Variants in CDK14 observed in about 807,000 individuals in gnomAD.
CDK14 encodes cyclin dependent kinase 14.
CDK14 carries 34 observed loss-of-function variants against 60.7 expected under a neutral mutation model. That is an observed-to-expected ratio of 0.56 (90% CI 0.43 to 0.75). The LOEUF (loss-of-function observed/expected upper bound fraction) is 0.75, where lower values mean the gene tolerates loss of function less well. CDK14 is among the 30% of genes least tolerant of loss of function. The pLI is 0.00. For synonymous variants in CDK14, 197 were observed against 203.7 expected, an observed-to-expected ratio of 0.97 and a Z score of 0.28; for missense variants, 482 against 564.1, an observed-to-expected ratio of 0.85 and a Z score of 1.47.
At chr7:91,039,949 G>C (rs1024315413) in intron 10 of CDK14, among the ~76,000 whole-genome samples, 3 of 152,108 alleles carry the variant, frequency 2.0e-5, no homozygotes, top group Non-Finnish European at 2.9e-5. Context: ...TAGTAGAATA[G>C]GGTGGAGTGT....
At chr7:91,055,979 G>A (rs938877438) in intron 11 of CDK14, among the ~76,000 whole-genome samples, 12 of 152,118 alleles carry the variant, frequency 7.9e-5, no homozygotes, top group Admixed American at 2.6e-4. Context: ...AATTAATGCC[G>A]GCAAGTATAT....
intron 8 of CDK14, among the ~76,000 whole-genome samples, chr7:90,945,683 G>C (rs950639067): frequency 2.0e-5 from 3 of 152,198 alleles, no homozygotes; most frequent in African/African-American, 7.2e-5. Flanking sequence ...CTTGAGGCCA[G>C]GGGACAAGGA....
intron 9 of CDK14, among the ~76,000 whole-genome samples, chr7:90,983,652 C>T (rs1021794033): frequency 3.3e-5 from 5 of 150,516 alleles, no homozygotes; most frequent in African/African-American, 1.2e-4. Flanking sequence ...TGCACTCCAG[C>T]CTGGGGGACA....
intron 8 of CDK14, among the ~76,000 whole-genome samples, chr7:90,954,630 TTTTTTTTTTTTTG>T (rs1347894726): frequency 1.1e-4 from 2 of 18,194 alleles, no homozygotes; most frequent in African/African-American, 1.1e-4. Context: ...TTTTTTTTTT[TTTTTTTTTTTTTG>T]AGACGGAGTC....
chr7:90,783,991 C>T (rs1487923246), intron 4 of CDK14, among the ~76,000 whole-genome samples: 1 of 152,162 alleles, frequency 6.6e-6, no homozygotes, highest in Non-Finnish European at 1.5e-5. Context: ...TATTGCAGCA[C>T]TGTTCACAAT....
intron 2 of CDK14, among the ~76,000 whole-genome samples, chr7:90,630,845 A>G (rs1188168981): frequency 2.0e-5 from 3 of 147,950 alleles, no homozygotes; most frequent in African/African-American, 7.5e-5. Context: ...TCATTAAATC[A>G]TTTGGTGGTG....
At chr7:90,683,812 A>C (rs1801373492) in intron 2 of CDK14, among the ~76,000 whole-genome samples, 1 of 152,150 alleles carries the variant, frequency 6.6e-6, no homozygotes, top group Non-Finnish European at 1.5e-5. Context: ...AAAAATCCGC[A>C]AAAGACCAAA....
intron 5 of CDK14, among the ~76,000 whole-genome samples, chr7:90,848,671 A>G (rs938871309): frequency 6.6e-5 from 10 of 152,140 alleles, no homozygotes; most frequent in South Asian, 2.1e-4. Flanking sequence ...ATGATTTTCA[A>G]CATTCTGAGC....
At chr7:90,965,983 A>ATAT (rs1337107618) in intron 9 of CDK14, among the ~76,000 whole-genome samples, 1 of 152,040 alleles carries the variant, frequency 6.6e-6, no homozygotes, top group Non-Finnish European at 1.5e-5. Context: ...TTTCATGATG[A>ATAT]TATTGCCTTG....
At chr7:90,815,087 T>A (rs1233814332) in intron 5 of CDK14, among the ~76,000 whole-genome samples, 2 of 152,240 alleles carry the variant, frequency 1.3e-5, no homozygotes, top group East Asian at 3.8e-4. Flanking sequence ...ACTTACCTTT[T>A]AGCACTTACT....
At chr7:90,761,846 G>C (rs1804324671) in intron 4 of CDK14, among the ~76,000 whole-genome samples, 1 of 152,182 alleles carries the variant, frequency 6.6e-6, no homozygotes, top group African/African-American at 2.4e-5. Flanking sequence ...TGAGGTTGTA[G>C]TAACTCTCTA....
chr7:90,698,903 A>G (rs1801723525), intron 2 of CDK14, among the ~76,000 whole-genome samples: 1 of 152,172 alleles, frequency 6.6e-6, no homozygotes, highest in African/African-American at 2.4e-5. Flanking sequence ...GCAGCTTTGT[A>G]GTTACAAGGG....
rs540948481 is a variant in CDK14 at position 90,886,867 on chromosome 7, A to C, written c.640-12424A>C. ...TGTAATTTCATACCCATGCACAGCAAGAGATTAAGTACATTTTCTTTATCC... is the reference window on the plus strand; with the variant it reads ...TGTAATTTCATACCCATGCACAGCACGAGATTAAGTACATTTTCTTTATCC... On this transcript the variant is annotated intron_variant, in intron 6 of 14. Coordinates refer to ENST00000380050, the MANE Select transcript of CDK14 (RefSeq NM_001287135.2). Among the ~76,000 whole-genome samples the C allele has an allele frequency of 3.3e-5, 5 of 152,290 alleles. No individual in the cohort carries two copies. The South Asian group carries it at 1.0e-3, about 32-fold the overall frequency.
intron 12 of CDK14, among the ~76,000 whole-genome samples, chr7:91,083,178 T>C (rs1295814692): frequency 5.9e-5 from 9 of 152,192 alleles, no homozygotes; most frequent in Non-Finnish European, 1.3e-4. Flanking sequence ...ATTTATTTAG[T>C]GCCTGGAGAC....
At chr7:90,874,317 C>T (rs1452531552) in intron 6 of CDK14, among the ~76,000 whole-genome samples, 1 of 151,994 alleles carries the variant, frequency 6.6e-6, no homozygotes, top group Non-Finnish European at 1.5e-5. Flanking sequence ...AGAATTCTTG[C>T]TTGGAAATAA....
In CDK14 at chr7:91,205,038, TAAAC is replaced by T. The variant is rs1363187125; in HGVS notation, c.*29-2119_*29-2116del. Reference sequence around the variant, plus strand: ...CCACTAGGATGGCTATAATTTTTTTTAAACAAACAAATGTTTTGGCAAAATTGGA... The same window carrying T: ...CCACTAGGATGGCTATAATTTTTTTTAAACAAATGTTTTGGCAAAATTGGA... On this transcript the variant is annotated intron_variant, in intron 14 of 14. Transcript: ENST00000380050. Among the ~76,000 whole-genome samples, 8 of 152,318 alleles carry T rather than the reference TAAAC, an allele frequency of 5.3e-5. No individual in the cohort carries two copies. In the South Asian group the frequency reaches 1.2e-3, roughly 24 times the overall value.
At chr7:91,187,657 AAGG>A (rs1424294645) in intron 14 of CDK14, among the ~76,000 whole-genome samples, 1 of 152,192 alleles carries the variant, frequency 6.6e-6, no homozygotes, top group Non-Finnish European at 1.5e-5. Flanking sequence ...AAGAAAGAGA[AAGG>A]AGAACAGCTC....
intron 6 of CDK14, among the ~76,000 whole-genome samples, chr7:90,864,802 A>G (rs545457578): frequency 5.3e-4 from 80 of 152,300 alleles, no homozygotes. Flanking sequence ...TGACTTTTAA[A>G]CATAATCACT....
chr7:91,092,774 T>C (rs1003017704), intron 12 of CDK14, among the ~76,000 whole-genome samples: 2 of 152,196 alleles, frequency 1.3e-5, no homozygotes, highest in East Asian at 1.9e-4. Context: ...TACCACTACT[T>C]AACTCTTCCT....
Sources: gnomAD v4.1 joint callset for allele counts (sites outside exome capture counted in the v4.1 genomes callset) on GRCh38, gnomAD v4.1.1 for gene constraint, MANE v1.5 for transcripts, NCBI Gene and HGNC (gene_info 2026-07-23, HGNC 2026-07-21) for gene names.